ADO: variants seen among roughly 807,000 people sequenced by gnomAD.
The protein encoded by ADO is 2-aminoethanethiol dioxygenase.
In ADO, 9 loss-of-function variants were observed where a neutral mutation model predicts 16.6. The observed-to-expected ratio is 0.54, with a 90% CI of 0.33 to 0.95. ADO has a LOEUF of 0.95. ADO is among the 40% of genes least tolerant of loss of function. The pLI is 0.03. For missense variants in ADO, 356 were observed against 386.4 expected (o/e 0.92, Z 0.66); for synonymous variants, 189 against 179.6 (o/e 1.05, Z -0.42).
In ADO at chr10:62,805,987, C is replaced by G; in HGVS notation, c.*115C>G. On this transcript the variant is annotated 3_prime_UTR_variant, in exon 1 of 1. Transcript: ENST00000373783. The surrounding 1 kb of genome is among the most constrained non-coding windows in gnomAD (Gnocchi z 6.4). ...CTACTGGAATGAGCAGCAGCCGCTT[C>G]CTCGGCAGCCTTGGGAAGCACGGGC... The G allele has an allele frequency of 1.0e-6, 1 of 956,994 alleles. No homozygotes were observed. The highest frequency in any genetic ancestry group is 1.4e-6 in the Non-Finnish European group (1 of 723,918). 59.3% of individuals were successfully genotyped at this position (956,994 alleles called of 1,614,324 possible).
Position 62,805,332 on chromosome 10 carries a change from C to T in ADO, c.273C>T (p.Tyr91=). The T allele has an allele frequency of 6.2e-7, 1 of 1,603,550 alleles. No homozygotes were observed. Among genetic ancestry groups the T allele is most frequent in the Non-Finnish European group, 8.5e-7 (1 of 1,178,888 alleles). ...CGCCAGTCACCTACATGCACATCTA[C>T]GAGACGGACGGCTTCAGCCTGGGCG... The part of the protein sequence containing the change: ...NLPPVTYMHI[Y]ETDGFSLGVF... Residue 91 remains tyrosine (Y), a synonymous_variant, in exon 1 of 1, where the codon TAC becomes TAT. Transcript: ENST00000373783. This position sits in a 1 kb window ranked among gnomAD's most constrained non-coding sequence, Gnocchi z 6.4.
Position 62,805,338 on chromosome 10 carries a change from G to C in ADO, c.279G>C (p.Thr93=). 1 of 1,603,388 alleles carries C rather than the reference G, an allele frequency of 6.2e-7. No individual in the cohort carries two copies. Among genetic ancestry groups the C allele is most frequent in the Non-Finnish European group, 8.5e-7 (1 of 1,178,738 alleles). ...TCACCTACATGCACATCTACGAGAC[G>C]GACGGCTTCAGCCTGGGCGTGTTCC... is the stretch of plus-strand genomic sequence containing the variant. ...PPVTYMHIYE[T]DGFSLGVFLL... is the part of the protein sequence containing the mutation. Residue 93 remains threonine (T), a synonymous_variant, in exon 1 of 1, where the codon ACG becomes ACC. Transcript: ENST00000373783. This position sits in a 1 kb window ranked among gnomAD's most constrained non-coding sequence, Gnocchi z 6.4.
At position 62,805,350 on chromosome 10, in the gene ADO, C is replaced by T. The variant is rs1482520320; in HGVS notation, c.291C>T (p.Ser97=). ...ACATCTACGAGACGGACGGCTTCAG[C>T]CTGGGCGTGTTCCTGCTCAAGAGCG... is the stretch of plus-strand genomic sequence containing the variant. The part of the protein sequence containing the change: ...YMHIYETDGF[S]LGVFLLKSGT... Residue 97 remains serine (S), a synonymous_variant, in exon 1 of 1, where the codon AGC becomes AGT. Transcript: ENST00000373783. The surrounding 1 kb of genome is among the most constrained non-coding windows in gnomAD (Gnocchi z 6.4). 1 of 1,602,384 alleles carries T rather than the reference C, an allele frequency of 6.2e-7. No homozygotes were observed. The highest frequency in any genetic ancestry group is 8.5e-7 in the Non-Finnish European group (1 of 1,178,080).
rs576095610 is a variant in ADO at position 62,805,390 on chromosome 10, C to T, written c.331C>T (p.Leu111=). ...FLLKSGTSIP[L]HDHPGMHGML... ...GCTCAAGAGCGGCACGTCCATCCCG[C>T]TGCACGACCACCCGGGCATGCACGG... is the stretch of plus-strand genomic sequence containing the variant. Residue 111 remains leucine, a synonymous_variant, in exon 1 of 1, where the codon CTG becomes TTG. Coordinates refer to ENST00000373783, the MANE Select transcript of ADO (RefSeq NM_032804.6). The surrounding 1 kb of genome is among the most constrained non-coding windows in gnomAD (Gnocchi z 6.4). 2.5e-6 allele frequency: 4 copies of T among 1,593,126 alleles called. No individual in the cohort carries two copies. The Admixed American group carries it at 5.2e-5, about 21-fold the overall frequency.
In ADO at chr10:62,805,576, C is replaced by T. The variant is rs370150228; in HGVS notation, c.517C>T (p.Arg173Trp). 5.1e-6 allele frequency: 8 copies of T among 1,572,552 alleles called. No homozygotes were observed. Among genetic ancestry groups the T allele is most frequent in the South Asian group, 2.3e-5 (2 of 86,012 alleles). Residue 173 changes from arginine to tryptophan, a missense_variant, in exon 1 of 1, where the codon CGG becomes TGG. Coordinates refer to ENST00000373783, the MANE Select transcript of ADO (RefSeq NM_032804.6). This position sits in a 1 kb window ranked among gnomAD's most constrained non-coding sequence, Gnocchi z 6.4. ...CGTGCGGCCGGGCGTGCTGCGTTCG[C>T]GGGCCGAGTACACCGAGGCCAGCGG... The part of the protein sequence containing the change: ...EAVRPGVLRS[R>W]AEYTEASGPC...
In ADO at chr10:62,804,822, T is replaced by A; in HGVS notation, c.-238T>A. 3.6e-6 allele frequency: 1 copy of A among 277,784 alleles called. No individual in the cohort carries two copies. The highest frequency in any genetic ancestry group is 5.3e-5 in the Admixed American group (1 of 18,828). The allele number at this position is 277,784 out of a possible 1,614,324, so 17.2% of individuals were successfully genotyped here. On this transcript the variant is annotated 5_prime_UTR_variant, in exon 1 of 1. An upstream open reading frame in the 5' UTR loses its in-frame stop. Coordinates refer to ENST00000373783, the MANE Select transcript of ADO (RefSeq NM_032804.6). ...GCGGCCGCTATCTGCTCCCGGAGCG[T>A]GAGTGCGGGGTGTGGGGCGTGCGCG...
Position 62,805,251 on chromosome 10 carries a change from G to T in ADO, c.192G>T (p.Glu64Asp). ...GCCTCCTGACCCAGCTCCGCGCCGA[G>T]GACTTGAACATCGCCCCGCGCAAGG... ...LKSLLTQLRA[E>D]DLNIAPRKAT... The change falls in exon 1 of 1, where the codon GAG (glutamate) becomes GAT (aspartate). Residue 64 changes from glutamate (E) to aspartate (D), a missense_variant. Glu to Asp is a conservative substitution (Grantham distance 45). Transcript: ENST00000373783. This position sits in a 1 kb window ranked among gnomAD's most constrained non-coding sequence, Gnocchi z 6.4. The T allele has an allele frequency of 6.2e-7, 1 of 1,603,120 alleles. No homozygotes were observed. The highest frequency in any genetic ancestry group is 8.5e-7 in the Non-Finnish European group (1 of 1,178,374).
chr10:62,806,512 G>A lies in ADO; in HGVS notation c.*640G>A, dbSNP rs1842054700. On this transcript the variant is annotated 3_prime_UTR_variant, in exon 1 of 1. Transcript: ENST00000373783. ...TTATTTTCTTTCCTCCCTTTGCCCA[G>A]TAGCCACATCTGGTTTACTCAGGCA... 1 of 167,238 alleles carries A rather than the reference G, an allele frequency of 6.0e-6. No individual in the cohort carries two copies. Among genetic ancestry groups the A allele is most frequent in the African/African-American group, 2.4e-5 (1 of 41,438 alleles). The allele number at this position is 167,238 out of a possible 1,614,324, so 10.4% of individuals were successfully genotyped here.
In ADO at chr10:62,804,902, C is replaced by G. The variant is rs1842031586; in HGVS notation, c.-158C>G. On this transcript the variant is annotated 5_prime_UTR_variant, in exon 1 of 1. Transcript: ENST00000373783. ...GCGCCGGGCAGTTGCGGGCGCGTGG[C>G]TGCTGAGGTTGGCGGCGGTGCCGCG... The G allele has an allele frequency of 1.7e-6, 1 of 593,308 alleles. No homozygotes were observed. The highest frequency in any genetic ancestry group is 1.9e-5 in the African/African-American group (1 of 51,410). 36.8% of individuals were successfully genotyped at this position (593,308 alleles called of 1,614,324 possible).
rs762323221 is a variant in ADO, at chr10:62,805,823, A to G, written c.764A>G (p.Asp255Gly). ...CTCCTGGAGACCCCACAGGCCGATG[A>G]CTTCTGGTGCGAGGGAGAACCCTAT... ...VWLLETPQAD[D>G]FWCEGEPYPG... The change falls in exon 1 of 1, where the codon GAC becomes GGC. Residue 255 changes from aspartate to glycine, a missense_variant. Transcript: ENST00000373783. This position sits in a 1 kb window ranked among gnomAD's most constrained non-coding sequence, Gnocchi z 6.4. 10 of 1,570,304 alleles carry G rather than the reference A, an allele frequency of 6.4e-6. No homozygotes were observed. The highest frequency in any genetic ancestry group is 8.6e-6 in the Non-Finnish European group (10 of 1,158,400).
rs541109577 is a variant in ADO at position 62,806,271 on chromosome 10, G to T, written c.*399G>T. On this transcript the variant is annotated 3_prime_UTR_variant, in exon 1 of 1. Transcript: ENST00000373783. ...GTTTATTTTCCACTCATGCCCTTATGCCTTTTTTTCTTATAGTTTTTTAAC... is the reference window on the plus strand; with the variant it reads ...GTTTATTTTCCACTCATGCCCTTATTCCTTTTTTTCTTATAGTTTTTTAAC... The T allele has an allele frequency of 1.1e-5, 2 of 180,714 alleles. No individual in the cohort carries two copies. The highest frequency in any genetic ancestry group is 1.3e-4 in the Admixed American group (2 of 15,680). 11.2% of individuals were successfully genotyped at this position (180,714 alleles called of 1,614,324 possible).
rs1447369297 is a variant in ADO, at chr10:62,805,023, A to AG, written c.-32dup. On this transcript the variant is annotated 5_prime_UTR_variant, in exon 1 of 1. Coordinates refer to ENST00000373783, the MANE Select transcript of ADO (RefSeq NM_032804.6). This position sits in a 1 kb window ranked among gnomAD's most constrained non-coding sequence, Gnocchi z 6.4. ...GGGACCGCAAGGGGCGGAGGAAAGG[A>AG]GGGGGCCGGTCCCGGCACGCAGAGG... 1 of 1,408,986 alleles carries AG rather than the reference A, an allele frequency of 7.1e-7. No homozygotes were observed. The highest frequency in any genetic ancestry group is 1.5e-5 in the African/African-American group (1 of 65,866). The allele number at this position is 1,408,986 out of a possible 1,614,324, so 87.3% of individuals were successfully genotyped here. A position where few individuals can be genotyped will look rare whatever the true frequency, so the allele number is the denominator to read the frequency against.
rs769529311 is a variant in ADO, at chr10:62,805,743, G to C, written c.684G>C (p.Pro228=). ...GCCACTATTACCGGGTGCTGGAGCC[G>C]GTCAGGCCCAAGGAGGCCTCCAGCT... ...RDCHYYRVLE[P]VRPKEASSSA... Residue 228 remains proline (P), a synonymous_variant, in exon 1 of 1, where the codon CCG becomes CCC. Coordinates refer to ENST00000373783, the MANE Select transcript of ADO (RefSeq NM_032804.6). The surrounding 1 kb of genome is among the most constrained non-coding windows in gnomAD (Gnocchi z 6.4). The C allele has an allele frequency of 6.2e-7, 1 of 1,608,892 alleles. No individual in the cohort carries two copies. The highest frequency in any genetic ancestry group is 1.3e-5 in the African/African-American group (1 of 74,842).
chr10:62,805,330 T>C lies in ADO; in HGVS notation c.271T>C (p.Tyr91His). ...NLPPVTYMHIYETDGFSLGVF... is the reference protein window; with the variant it reads ...NLPPVTYMHIHETDGFSLGVF... ...GCCGCCAGTCACCTACATGCACATC[T>C]ACGAGACGGACGGCTTCAGCCTGGG... Residue 91 changes from tyrosine to histidine, a missense_variant, in exon 1 of 1, where the codon TAC becomes CAC. Transcript: ENST00000373783. The surrounding 1 kb of genome is among the most constrained non-coding windows in gnomAD (Gnocchi z 6.4). The C allele has an allele frequency of 6.2e-7, 1 of 1,603,906 alleles. No homozygotes were observed. Among genetic ancestry groups the C allele is most frequent in the Non-Finnish European group, 8.5e-7 (1 of 1,179,010 alleles).
chr10:62,805,874 G>A lies in ADO; in HGVS notation c.*2G>A, dbSNP rs1842047796. 1 of 1,488,184 alleles carries A rather than the reference G, an allele frequency of 6.7e-7. No individual in the cohort carries two copies. Among genetic ancestry groups the A allele is most frequent in the Non-Finnish European group, 9.0e-7 (1 of 1,115,188 alleles). 92.2% of individuals were successfully genotyped at this position (1,488,184 alleles called of 1,614,324 possible). A position where few individuals can be genotyped will look rare whatever the true frequency, so the allele number is the denominator to read the frequency against. Reference sequence around the variant, plus strand: ...CCAGGTCCCAAGGTCTTCCCTTGAAGCCACTGGCGCCCAGGAGCGGTGGGC... The same window carrying A: ...CCAGGTCCCAAGGTCTTCCCTTGAAACCACTGGCGCCCAGGAGCGGTGGGC... On this transcript the variant is annotated 3_prime_UTR_variant, in exon 1 of 1. Coordinates refer to ENST00000373783, the MANE Select transcript of ADO (RefSeq NM_032804.6). The surrounding 1 kb of genome is among the most constrained non-coding windows in gnomAD (Gnocchi z 6.4).
In ADO at chr10:62,804,982, G is replaced by GAC. The variant is rs1842033077; in HGVS notation, c.-78_-77insAC. 1 of 1,322,154 alleles carries GAC rather than the reference G, an allele frequency of 7.6e-7. No homozygotes were observed. 81.9% of individuals were successfully genotyped at this position (1,322,154 alleles called of 1,614,324 possible). ...CCCGCCTCGACCCGGGCTGGGGGCA[G>GAC]CCGTGGCGGCCGCCGGGGACCGCAA... On this transcript the variant is annotated 5_prime_UTR_variant, in exon 1 of 1. Transcript: ENST00000373783.
rs1265813514 is a variant in ADO, at chr10:62,806,577, C to T, written c.*705C>T. The stretch of plus-strand genomic sequence containing the variant: ...ATTCAGCACCTGCATATCTCTGTGA[C>T]ATGGTCACTTAGAGCTTATCTTCCC... On this transcript the variant is annotated 3_prime_UTR_variant, in exon 1 of 1. Coordinates refer to ENST00000373783, the MANE Select transcript of ADO (RefSeq NM_032804.6). 1 of 167,280 alleles carries T rather than the reference C, an allele frequency of 6.0e-6. No individual in the cohort carries two copies. The highest frequency in any genetic ancestry group is 1.5e-5 in the Non-Finnish European group (1 of 68,128). 10.4% of individuals were successfully genotyped at this position (167,280 alleles called of 1,614,324 possible).
chr10:62,807,342 C>T lies in ADO; in HGVS notation c.*1470C>T, dbSNP rs1288245170. ...AATAAACACATTAAAATTTGCCCAG[C>T]TGTCGTCTAAGCCCTCTTGATTGAC... On this transcript the variant is annotated 3_prime_UTR_variant, in exon 1 of 1. Coordinates refer to ENST00000373783, the MANE Select transcript of ADO (RefSeq NM_032804.6). The T allele has an allele frequency of 6.0e-6, 1 of 167,104 alleles. No homozygotes were observed. Among genetic ancestry groups the T allele is most frequent in the Non-Finnish European group, 1.5e-5 (1 of 68,104 alleles). 10.4% of individuals were successfully genotyped at this position (167,104 alleles called of 1,614,324 possible). A position where few individuals can be genotyped will look rare whatever the true frequency, so the allele number is the denominator to read the frequency against.
Position 62,805,357 on chromosome 10 carries a change from G to T in ADO, c.298G>T (p.Val100Leu). ...IYETDGFSLGVFLLKSGTSIP... is the reference protein window; with the variant it reads ...IYETDGFSLGLFLLKSGTSIP... ...CGAGACGGACGGCTTCAGCCTGGGC[G>T]TGTTCCTGCTCAAGAGCGGCACGTC... Residue 100 changes from valine to leucine, a missense_variant, in exon 1 of 1, where the codon GTG becomes TTG. Coordinates refer to ENST00000373783, the MANE Select transcript of ADO (RefSeq NM_032804.6). The surrounding 1 kb of genome is among the most constrained non-coding windows in gnomAD (Gnocchi z 6.4). The T allele has an allele frequency of 6.2e-7, 1 of 1,601,892 alleles. No individual in the cohort carries two copies. Among genetic ancestry groups the T allele is most frequent in the East Asian group, 2.2e-5 (1 of 44,634 alleles).
Sources: allele counts gnomAD v4.1 joint callset, GRCh38; gene constraint gnomAD v4.1.1; non-coding constraint Gnocchi (gnomAD v3.1); transcripts MANE v1.5; gene names NCBI Gene and HGNC (gene_info 2026-07-23, HGNC 2026-07-21).